The following NRXN1 variants were observed in gnomAD, a reference collection of about 807,000 sequenced individuals.
NRXN1 encodes the protein neurexin 1, also known as neurexin-1.
Under a neutral mutation model 150.9 loss-of-function variants are expected in NRXN1, and 39 were observed. The observed-to-expected ratio is 0.26, with a 90% CI of 0.20 to 0.34. The LOEUF is 0.34. Ranked by LOEUF, NRXN1 falls within the 10% of genes least tolerant of loss-of-function variation. The pLI, the probability that NRXN1 is intolerant of heterozygous loss-of-function variation, is 1.00. For synonymous variants in NRXN1, 924 were observed against 757.0 expected (o/e 1.22, Z -3.62); for missense variants, 1,815 against 1,949.9 (o/e 0.93, Z 1.30).
At chr2:50,842,066 C>T (rs563715748) in intron 5 of NRXN1, among the ~76,000 whole-genome samples, 2 of 152,314 alleles carry the variant, frequency 1.3e-5, no homozygotes, top group Admixed American at 1.3e-4. Context: ...ACATCATCTC[C>T]ATTTACAGAA....
intron 18 of NRXN1, among the ~76,000 whole-genome samples, chr2:50,231,733 CA>C (rs1352534637): frequency 4.6e-5 from 7 of 152,168 alleles, no homozygotes; most frequent in African/African-American, 1.4e-4. Context: ...GTAGTGAATG[CA>C]TCCAGATTTA....
At chr2:50,883,203 G>C (rs970605388) in intron 5 of NRXN1, among the ~76,000 whole-genome samples, 3 of 151,754 alleles carry the variant, frequency 2.0e-5, no homozygotes, top group African/African-American at 7.2e-5. Flanking sequence ...ATTGACATTA[G>C]TTGAATAATT....
At chr2:50,523,500 C>T (rs2092854660) in intron 12 of NRXN1, among the ~76,000 whole-genome samples, 1 of 152,186 alleles carries the variant, frequency 6.6e-6, no homozygotes, top group Admixed American at 6.6e-5. Context: ...TTCCTCATAT[C>T]TTTTTAAGTA....
chr2:50,667,037 A>C (rs528727198), intron 5 of NRXN1, among the ~76,000 whole-genome samples: 39 of 152,118 alleles, frequency 2.6e-4, no homozygotes, highest in Non-Finnish European at 4.9e-4. Flanking sequence ...TACTTGAATG[A>C]AATTTGCTTT....
rs545097175 is a variant in NRXN1, at chr2:50,574,680, A to T, written c.1321-21655T>A. Among the ~76,000 whole-genome samples the T allele has an allele frequency of 2.7e-3, 413 of 152,316 alleles. 1 individual carries two copies. Among genetic ancestry groups the T allele is most frequent in the Non-Finnish European group, 4.2e-3 (288 of 68,030 alleles). ...AAGAGAAGTGTGGCTTCCAAAAGAG[A>T]ATCATACTAAATTAATTATTCCCCT... On this transcript the variant is annotated intron_variant, in intron 8 of 22. Coordinates refer to ENST00000401669, the MANE Select transcript of NRXN1 (RefSeq NM_001330078.2).
intron 8 of NRXN1, chr2:50,588,944 A>G (rs1447988794): frequency 1.3e-5 from 2 of 152,128 alleles, no homozygotes; most frequent in Non-Finnish European, 2.9e-5. Flanking sequence ...TAGGAAACCA[A>G]TTGATTTCAT....
chr2:50,128,220 A>G (rs1372836966), intron 18 of NRXN1, among the ~76,000 whole-genome samples: 1 of 152,178 alleles, frequency 6.6e-6, no homozygotes, highest in Non-Finnish European at 1.5e-5. Context: ...CTGAGAAGAT[A>G]TGAGTTTGTT....
chr2:51,002,833 T>G (rs898574676), intron 2 of NRXN1, among the ~76,000 whole-genome samples: 21 of 151,984 alleles, frequency 1.4e-4, no homozygotes, highest in African/African-American at 4.3e-4. Context: ...CTGTTTTCTT[T>G]CTCTGTTCAT....
chr2:50,812,543 A>T (rs937790207), intron 5 of NRXN1, among the ~76,000 whole-genome samples: 2 of 152,046 alleles, frequency 1.3e-5, no homozygotes, highest in Admixed American at 1.3e-4. Flanking sequence ...ATATTGATAG[A>T]TGTGTATGTG....
intron 5 of NRXN1, among the ~76,000 whole-genome samples, chr2:50,823,403 C>G (rs1670007521): frequency 6.6e-6 from 1 of 151,974 alleles, no homozygotes; most frequent in Non-Finnish European, 1.5e-5. Flanking sequence ...ACAATACCTA[C>G]CATCATACAA....
At chr2:50,180,761 T>C (rs912285906) in intron 18 of NRXN1, among the ~76,000 whole-genome samples, 1 of 152,158 alleles carries the variant, frequency 6.6e-6, no homozygotes, top group Non-Finnish European at 1.5e-5. Flanking sequence ...CTATTCTTTA[T>C]AAACTACCTG....
chr2:50,450,568 C>T (rs2086867675), intron 17 of NRXN1, among the ~76,000 whole-genome samples: 1 of 152,144 alleles, frequency 6.6e-6, no homozygotes, highest in African/African-American at 2.4e-5. Flanking sequence ...CACATAGTAA[C>T]TGCTCAATTA....
intron 12 of NRXN1, among the ~76,000 whole-genome samples, chr2:50,523,780 T>C (rs1464659581): frequency 2.0e-5 from 3 of 152,168 alleles, no homozygotes; most frequent in African/African-American, 7.2e-5. Flanking sequence ...CAAGTACTTG[T>C]CCTTAGATGC....
chr2:50,853,709 T>A (rs1674858106), intron 5 of NRXN1, among the ~76,000 whole-genome samples: 1 of 152,090 alleles, frequency 6.6e-6, no homozygotes, highest in Non-Finnish European at 1.5e-5. Context: ...TATCCCTTAC[T>A]GGATAAATTG....
At chr2:50,901,242 A>C (rs148557221) in intron 5 of NRXN1, among the ~76,000 whole-genome samples, 18 of 152,178 alleles carry the variant, frequency 1.2e-4, no homozygotes, top group Non-Finnish European at 5.9e-5. Context: ...CCAATAAAGA[A>C]AACAAAGATG....
intron 5 of NRXN1, among the ~76,000 whole-genome samples, chr2:50,767,903 T>C (rs1486013021): frequency 6.6e-6 from 1 of 152,136 alleles, no homozygotes; most frequent in African/African-American, 2.4e-5. Flanking sequence ...TAAACTTGTC[T>C]AAGCATATAG....
chr2:50,319,364 T>C (rs1210212580), intron 17 of NRXN1, among the ~76,000 whole-genome samples: 1 of 152,136 alleles, frequency 6.6e-6, no homozygotes, highest in East Asian at 1.9e-4. Context: ...CTCACAGTCA[T>C]TTGTATAGCC....
At chr2:50,158,201 A>G (rs1013769568) in intron 18 of NRXN1, among the ~76,000 whole-genome samples, 1 of 151,650 alleles carries the variant, frequency 6.6e-6, no homozygotes, top group Non-Finnish European at 1.5e-5. Flanking sequence ...AAGCTTAAAT[A>G]GAATCCACAT....
chr2:51,016,406 T>C lies in NRXN1; in HGVS notation c.772+11096A>G, dbSNP rs541377197. Among the ~76,000 whole-genome samples the C allele has an allele frequency of 2.0e-5, 3 of 152,082 alleles. No homozygotes were observed. In the South Asian group the frequency reaches 6.2e-4, roughly 32 times the overall value. ...AATCTATAAGGAACTTAAACAAACT[T>C]ACAAGAACAAAACAACCCCATCAAG... On this transcript the variant is annotated intron_variant, in intron 2 of 22. Transcript: ENST00000401669.
Sources: gnomAD v4.1 joint callset for allele counts (sites outside exome capture counted in the v4.1 genomes callset) on GRCh38, gnomAD v4.1.1 for gene constraint, MANE v1.5 for transcripts, NCBI Gene and HGNC (gene_info 2026-07-23, HGNC 2026-07-21) for gene names.